Variants in POLD3 observed in about 807,000 individuals in gnomAD.
The protein encoded by POLD3 is DNA polymerase delta subunit 3.
In POLD3, 19 loss-of-function variants were observed where a neutral mutation model predicts 58.2. That is an observed-to-expected ratio of 0.33 (90% CI 0.23 to 0.48). The LOEUF (loss-of-function observed/expected upper bound fraction) is 0.48. Among genes scored for constraint, POLD3 ranks in the 20% least tolerant of loss-of-function variants. POLD3 has a pLI of 0.99. For synonymous variants in POLD3, 172 were observed against 193.5 expected, an observed-to-expected ratio of 0.89 and a Z score of 0.92; for missense variants, 504 against 545.5, an observed-to-expected ratio of 0.92 and a Z score of 0.76.
chr11:74,611,984 A>C (rs976502842), intron 4 of POLD3, among the ~76,000 whole-genome samples: 1 of 152,198 alleles, frequency 6.6e-6, no homozygotes, highest in Admixed American at 6.5e-5. Context: ...ACCCAATTCA[A>C]AGGAATTTAA....
At chr11:74,629,467 A>G (rs1172443582) in intron 9 of POLD3, 144 bp downstream of exon 9, 1 of 519,214 alleles carries the variant, frequency 1.9e-6, no homozygotes, top group Admixed American at 3.8e-5. Context: ...TCTGTTTGAA[A>G]TCTGCATTAG....
intron 4 of POLD3, chr11:74,668,715 G>C (rs1359383665): frequency 5.2e-6 from 6 of 1,158,246 alleles, no homozygotes; most frequent in Non-Finnish European, 6.9e-6. Context: ...GGGGTTAGGG[G>C]GTATAATGGG....
chr11:74,642,141 CTT>C lies in POLD3; in HGVS notation c.*1379_*1380del, dbSNP rs1411592666. 1 of 985,242 alleles carries C rather than the reference CTT, an allele frequency of 1.0e-6. No homozygotes were observed. Among genetic ancestry groups the C allele is most frequent in the Non-Finnish European group, 1.2e-6 (1 of 829,930 alleles). The allele number at this position is 985,242 out of a possible 1,614,324, so 61.0% of individuals were successfully genotyped here. A position where few individuals can be genotyped will look rare whatever the true frequency, so the allele number is the denominator to read the frequency against. ...CGTAAGTGATGCAATCAGCTGTCTG[CTT>C]TTTAAGGTTGGGATTGTGCTGACTT... On this transcript the variant is annotated 3_prime_UTR_variant, in exon 12 of 12. Transcript: ENST00000263681.
chr11:74,660,604 T>C (rs926740048), intron 4 of POLD3, among the ~76,000 whole-genome samples: 1 of 152,276 alleles, frequency 6.6e-6, no homozygotes, highest in Admixed American at 6.5e-5. Flanking sequence ...TAGGAGATGA[T>C]TGTATCATGG....
chr11:74,618,818 G>A lies in POLD3; in HGVS notation c.660+14G>A, dbSNP rs2032162593. On this transcript the variant is annotated intron_variant, in intron 6 of 11. Coordinates refer to ENST00000263681, the MANE Select transcript of POLD3 (RefSeq NM_006591.3). ...GAAGTAACAAATGTAAGTCTTCTTTGAAGATACCCCTTCATTGCAGCTCAG... is the reference window on the plus strand; with the variant it reads ...GAAGTAACAAATGTAAGTCTTCTTTAAAGATACCCCTTCATTGCAGCTCAG... The A allele has an allele frequency of 6.2e-7, 1 of 1,601,538 alleles. No homozygotes were observed. The highest frequency in any genetic ancestry group is 1.7e-5 in the Admixed American group (1 of 59,488).
At chr11:74,662,498 G>A (rs901058301) in intron 4 of POLD3, among the ~76,000 whole-genome samples, 4 of 152,040 alleles carry the variant, frequency 2.6e-5, no homozygotes, top group Admixed American at 6.6e-5. Context: ...CCTGGAACGG[G>A]GGCCTCAAAA....
chr11:74,609,373 T>TATATATATATATATATATA (rs1491467177), intron 3 of POLD3, among the ~76,000 whole-genome samples: 26 of 15,994 alleles, frequency 1.6e-3, no homozygotes, highest in East Asian at 4.4e-3. Context: ...TATATATATA[T>TATATATATATATATATATA]TTTTTTTTTT....
At chr11:74,610,350 A>G (rs986770565) in intron 3 of POLD3, among the ~76,000 whole-genome samples, 12 of 152,008 alleles carry the variant, frequency 7.9e-5, no homozygotes, top group African/African-American at 2.7e-4. Context: ...AGCTGGGACT[A>G]CAGGCATGCA....
At chr11:74,635,692 C>A (rs1326867924) in intron 10 of POLD3, among the ~76,000 whole-genome samples, 3 of 152,044 alleles carry the variant, frequency 2.0e-5, no homozygotes, top group African/African-American at 7.2e-5. Context: ...AAAAAACAAA[C>A]AAACAAAAAA....
intron 4 of POLD3, among the ~76,000 whole-genome samples, chr11:74,648,514 G>A (rs1280915345): frequency 5.9e-5 from 9 of 152,186 alleles, no homozygotes; most frequent in African/African-American, 2.2e-4. Flanking sequence ...AGGAGGAAGT[G>A]CTTAAACAGG....
At chr11:74,623,715 T>A (rs990967243) in intron 7 of POLD3, among the ~76,000 whole-genome samples, 8 of 152,260 alleles carry the variant, frequency 5.3e-5, no homozygotes, top group Non-Finnish European at 1.2e-4. Context: ...TTTATTTGCT[T>A]GAAAAGGTTT....
intron 9 of POLD3, among the ~76,000 whole-genome samples, chr11:74,630,683 G>GT (rs1314126899): frequency 6.6e-6 from 1 of 152,182 alleles, no homozygotes; most frequent in Non-Finnish European, 1.5e-5. Flanking sequence ...TAATTAGGAA[G>GT]TAAATGTAGG....
chr11:74,637,955 TC>T (rs755268708), intron 11 of POLD3, among the ~76,000 whole-genome samples: 1 of 152,108 alleles, frequency 6.6e-6, no homozygotes, highest in East Asian at 1.9e-4. Flanking sequence ...CTGTGCTGGA[TC>T]AGATTTGTTC....
chr11:74,664,257 C>T (rs1463925265), intron 4 of POLD3, among the ~76,000 whole-genome samples: 1 of 152,080 alleles, frequency 6.6e-6, no homozygotes, highest in African/African-American at 2.4e-5. Context: ...TACCAAATGA[C>T]CCAGCAATTA....
chr11:74,604,783 A>G lies in POLD3; in HGVS notation c.208A>G (p.Asn70Asp). 2 of 1,581,986 alleles carry G rather than the reference A, an allele frequency of 1.3e-6. No homozygotes were observed. Among genetic ancestry groups the G allele is most frequent in the East Asian group, 2.2e-5 (1 of 44,738 alleles). ...CTTGGTGTCTGGCAGTCTCATTCAGAATGGACATTCCGTAAGTTCTCAGAG... is the reference window on the plus strand; with the variant it reads ...CTTGGTGTCTGGCAGTCTCATTCAGGATGGACATTCCGTAAGTTCTCAGAG... ...TYLVSGSLIQ[N>D]GHSCHKVAVV... The change falls in exon 3 of 12, where the codon AAT (asparagine) becomes GAT (aspartate). Residue 70 changes from asparagine to aspartate, a missense_variant. Asn to Asp is a conservative substitution (Grantham distance 23, BLOSUM62 1). Transcript: ENST00000263681.
At chr11:74,626,956 A>G (rs2032449625) in intron 8 of POLD3, among the ~76,000 whole-genome samples, 1 of 152,164 alleles carries the variant, frequency 6.6e-6, no homozygotes, top group South Asian at 2.1e-4. Context: ...TATATCATAT[A>G]TATTAATAGT....
At chr11:74,597,244 C>T (rs1267238471) in intron 2 of POLD3, among the ~76,000 whole-genome samples, 2 of 152,178 alleles carry the variant, frequency 1.3e-5, no homozygotes, top group Non-Finnish European at 2.9e-5. Context: ...TCTCCATACC[C>T]TTGTTGTGTT....
intron 3 of POLD3, among the ~76,000 whole-genome samples, chr11:74,607,402 A>ACT (rs774890313): frequency 9.3e-5 from 14 of 149,970 alleles, no homozygotes; most frequent in Non-Finnish European, 1.6e-4. Context: ...AGCTGGGACT[A>ACT]CAGGCGCCCG....
At chr11:74,600,881 G>A (rs1017054372) in intron 2 of POLD3, among the ~76,000 whole-genome samples, 6 of 151,720 alleles carry the variant, frequency 4.0e-5, no homozygotes, top group African/African-American at 9.7e-5. Context: ...CCATGTGCCC[G>A]GCTAATTTTG....
Sources: gnomAD v4.1 joint callset for allele counts (sites outside exome capture counted in the v4.1 genomes callset) on GRCh38, gnomAD v4.1.1 for gene constraint, MANE v1.5 for transcripts, NCBI Gene and HGNC (gene_info 2026-07-23, HGNC 2026-07-21) for gene names.